The following EBF2 variants were observed in gnomAD, a reference collection of about 807,000 sequenced individuals.
The protein encoded by EBF2 is EBF transcription factor 2.
In EBF2, 21 loss-of-function variants were observed where a neutral mutation model predicts 72.8. The ratio of observed to expected loss-of-function variants is 0.29; its 90% CI spans 0.20 to 0.42. The LOEUF (loss-of-function observed/expected upper bound fraction) is 0.42. Ranked by LOEUF, EBF2 falls within the 10% of genes least tolerant of loss-of-function variation. The pLI is 1.00. For missense variants in EBF2, 637 were observed against 731.2 expected (o/e 0.87, Z 1.49); for synonymous variants, 299 against 274.2 (o/e 1.09, Z -0.89).
chr8:25,901,070 A>G (rs1802943593), intron 7 of EBF2, among the ~76,000 whole-genome samples: 1 of 152,194 alleles, frequency 6.6e-6, no homozygotes, highest in Admixed American at 6.5e-5. Context: ...CATTCAATGC[A>G]TGCAACAAAA....
At chr8:25,847,665 T>C (rs775202878) in intron 15 of EBF2, among the ~76,000 whole-genome samples, 2 of 152,156 alleles carry the variant, frequency 1.3e-5, no homozygotes, top group Non-Finnish European at 2.9e-5. Context: ...GGCTCTGAGA[T>C]AATGGCATGC....
chr8:25,892,309 A>G (rs1488776747), intron 7 of EBF2, among the ~76,000 whole-genome samples: 11 of 152,198 alleles, frequency 7.2e-5, no homozygotes, highest in Non-Finnish European at 1.5e-5. Context: ...CTGAAACCAC[A>G]GAAAGTGAAG....
chr8:26,006,875 T>A (rs1167305923), intron 6 of EBF2, among the ~76,000 whole-genome samples: 1 of 152,244 alleles, frequency 6.6e-6, no homozygotes, highest in Non-Finnish European at 1.5e-5. Context: ...TGATTCATAC[T>A]TTTTGGTCAA....
At position 25,843,013 on chromosome 8, in the gene EBF2, A is replaced by G. The variant is rs1801765704; in HGVS notation, c.*1596T>C. The G allele has an allele frequency of 6.6e-6, 1 of 152,196 alleles. No homozygotes were observed. Among genetic ancestry groups the G allele is most frequent in the Non-Finnish European group, 1.5e-5 (1 of 68,042 alleles). 9.4% of individuals were successfully genotyped at this position (152,196 alleles called of 1,614,324 possible). ...AAGTGACATCTTTATTGGCAATCCC[A>G]ATATGCCTGGATATGTCTCTAGGAT... On this transcript the variant is annotated 3_prime_UTR_variant, in exon 16 of 16. Coordinates refer to ENST00000520164, the MANE Select transcript of EBF2 (RefSeq NM_022659.4).
Position 25,901,606 on chromosome 8 carries a change from A to C in EBF2, c.633+6868T>G, listed in dbSNP as rs1045180222. 3.9e-5 allele frequency among the ~76,000 whole-genome samples: 6 copies of C among 152,276 alleles called. 1 individual carries two copies. Among genetic ancestry groups the C allele is most frequent in the Non-Finnish European group, 8.8e-5 (6 of 68,014 alleles). ...CTTTTGAGGCAGAGGGTAAAAACTC[A>C]GCATTCAGGCCTCTAAGCTTCCCAG... On this transcript the variant is annotated intron_variant, in intron 7 of 15. Coordinates refer to ENST00000520164, the MANE Select transcript of EBF2 (RefSeq NM_022659.4).
intron 6 of EBF2, among the ~76,000 whole-genome samples, chr8:25,945,532 A>G (rs1487568939): frequency 6.6e-6 from 1 of 151,812 alleles, no homozygotes. Context: ...CTCTTGTCCC[A>G]AGTACCGATA....
chr8:25,948,768 C>A (rs1004994322), intron 6 of EBF2, among the ~76,000 whole-genome samples: 1 of 152,148 alleles, frequency 6.6e-6, no homozygotes, highest in African/African-American at 2.4e-5. Context: ...TCACAGAACT[C>A]CCGGGTTTGG....
At chr8:25,845,072 T>C (rs1255295520) in intron 15 of EBF2, among the ~76,000 whole-genome samples, 1 of 152,216 alleles carries the variant, frequency 6.6e-6, no homozygotes, top group East Asian at 1.9e-4. Flanking sequence ...TACTAGGGCA[T>C]CGTTGATAAC....
At chr8:25,954,373 G>A (rs1029077208) in intron 6 of EBF2, among the ~76,000 whole-genome samples, 1 of 152,186 alleles carries the variant, frequency 6.6e-6, no homozygotes, top group Non-Finnish European at 1.5e-5. Context: ...TTGCCGCTCT[G>A]CTCAGCGGCC....
chr8:26,000,388 A>G (rs1468144765), intron 6 of EBF2, among the ~76,000 whole-genome samples: 1 of 152,192 alleles, frequency 6.6e-6, no homozygotes, highest in African/African-American at 2.4e-5. Context: ...TGGAGAAGAC[A>G]TGGTCCCTGT....
In EBF2 at chr8:25,887,990, A is replaced by G; in HGVS notation, c.752-18T>C. On this transcript the variant is annotated intron_variant, in intron 8 of 15. Coordinates refer to ENST00000520164, the MANE Select transcript of EBF2 (RefSeq NM_022659.4). ...GGGGGTAGCTAAGAAGACAGGAAAG[A>G]AAAAGTCAGGTTTGTTCTTTCATGG... The G allele has an allele frequency of 6.3e-7, 1 of 1,594,918 alleles. No individual in the cohort carries two copies. Among genetic ancestry groups the G allele is most frequent in the Non-Finnish European group, 8.5e-7 (1 of 1,171,704 alleles).
intron 6 of EBF2, among the ~76,000 whole-genome samples, chr8:26,008,944 G>C (rs753331243): frequency 9.9e-5 from 15 of 151,046 alleles, no homozygotes; most frequent in Non-Finnish European, 2.1e-4. Context: ...CAAAAAGTTT[G>C]TGATATTTTA....
chr8:25,935,048 G>A (rs73553985), intron 6 of EBF2, among the ~76,000 whole-genome samples: 1 of 152,148 alleles, frequency 6.6e-6, no homozygotes, highest in Non-Finnish European at 1.5e-5. Flanking sequence ...CAGCGGGCAG[G>A]ATCCCAACGC....
At chr8:25,847,485 G>A (rs556609189) in intron 15 of EBF2, among the ~76,000 whole-genome samples, 30 of 152,282 alleles carry the variant, frequency 2.0e-4, no homozygotes, top group African/African-American at 5.3e-4. Context: ...GGTCTAAAAC[G>A]AGGAAGAGCA....
intron 6 of EBF2, among the ~76,000 whole-genome samples, chr8:25,922,551 C>G (rs562441523): frequency 6.6e-6 from 1 of 152,106 alleles, no homozygotes; most frequent in Non-Finnish European, 1.5e-5. Context: ...GTTCAGCCAC[C>G]CATTTCCTCT....
At chr8:25,890,690 C>T (rs1762790073) in intron 7 of EBF2, among the ~76,000 whole-genome samples, 1 of 152,106 alleles carries the variant, frequency 6.6e-6, no homozygotes, top group South Asian at 2.1e-4. Flanking sequence ...ATCTGAAATC[C>T]AAAATTCTCC....
At chr8:25,959,048 C>T (rs1803993616) in intron 6 of EBF2, among the ~76,000 whole-genome samples, 6 of 152,118 alleles carry the variant, frequency 3.9e-5, no homozygotes, top group Admixed American at 1.3e-4. Flanking sequence ...GATGCAGACC[C>T]CGAGGGGAGG....
chr8:25,852,636 G>GAAAC (rs1199270620), intron 14 of EBF2, among the ~76,000 whole-genome samples: 5 of 152,274 alleles, frequency 3.3e-5, no homozygotes, highest in Non-Finnish European at 5.9e-5. Flanking sequence ...AGTGGGAGAG[G>GAAAC]AAACACCTCA....
At chr8:25,845,422 C>T (rs527896973) in intron 15 of EBF2, among the ~76,000 whole-genome samples, 5 of 152,258 alleles carry the variant, frequency 3.3e-5, no homozygotes, top group African/African-American at 1.2e-4. Flanking sequence ...AATGGGGTTT[C>T]GCCATGTTGG....
Sources: gnomAD v4.1 joint callset for allele counts (sites outside exome capture counted in the v4.1 genomes callset) on GRCh38, gnomAD v4.1.1 for gene constraint, MANE v1.5 for transcripts, NCBI Gene and HGNC (gene_info 2026-07-23, HGNC 2026-07-21) for gene names.